Variants in TXNRD2 observed in about 807,000 individuals in gnomAD.
TXNRD2 encodes thioredoxin reductase 2, mitochondrial.
A neutral mutation model predicts 70.8 loss-of-function variants in TXNRD2; 67 were observed. The observed-to-expected ratio is 0.95, with a 90% CI of 0.78 to 1.16. TXNRD2 has a LOEUF of 1.16. TXNRD2 is among the 50% of genes most tolerant of loss of function. The probability of loss-of-function intolerance (pLI) is 0.00; values close to 1 mark genes in which losing one functional copy is unlikely to be tolerated. For missense variants in TXNRD2, 644 were observed against 719.9 expected, an observed-to-expected ratio of 0.89 and a Z score of 1.21; for synonymous variants, 301 against 295.8, an observed-to-expected ratio of 1.02 and a Z score of -0.18.
chr22:19,882,273 C>A (rs566583870), intron 12 of TXNRD2, among the ~76,000 whole-genome samples: 90 of 152,274 alleles, frequency 5.9e-4, no homozygotes, highest in African/African-American at 2.0e-3. Flanking sequence ...CTCACGGTAA[C>A]CTCCGCCTTC....
intron 8 of TXNRD2, among the ~76,000 whole-genome samples, chr22:19,908,675 C>T (rs1940181112): frequency 6.6e-6 from 1 of 152,094 alleles, no homozygotes; most frequent in African/African-American, 2.4e-5. Flanking sequence ...TATTTGCACA[C>T]CTATGTTCAC....
chr22:19,918,904 G>T lies in TXNRD2; in HGVS notation c.330C>A (p.Ala110=). 1 of 1,612,678 alleles carries T rather than the reference G, an allele frequency of 6.2e-7. No individual in the cohort carries two copies. The stretch of plus-strand genomic sequence containing the variant: ...GGGCCACCTCCCAGCCATAGTTGGG[G>T]GCATCTTGGATCAGGCCTCCCAGCA... ...AALLGGLIQD[A]PNYGWEVAQP... Residue 110 remains alanine, a synonymous_variant, in exon 4 of 18, where the codon GCC becomes GCA. Transcript: ENST00000400521.
At chr22:19,915,700 G>A (rs987085967) in intron 6 of TXNRD2, 65 bp downstream of exon 6, 2 of 1,452,628 alleles carry the variant, frequency 1.4e-6, no homozygotes, top group Middle Eastern at 1.7e-4. Context: ...AAACACAGCT[G>A]CAGTTGGTGC....
chr22:19,877,333 TCTC>T, intron 16 of TXNRD2, 99 bp from the exon 17 acceptor site: 1 of 1,127,648 alleles, frequency 8.9e-7, no homozygotes, highest in Non-Finnish European at 1.3e-6. Flanking sequence ...AGGCTGCTGG[TCTC>T]CTCACTGTCC....
intron 8 of TXNRD2, among the ~76,000 whole-genome samples, chr22:19,907,116 G>A (rs373929358): frequency 3.2e-5 from 2 of 63,008 alleles, no homozygotes; most frequent in East Asian, 4.9e-4. Context: ...TAGCAGTGAC[G>A]GCTCTCAGGA....
chr22:19,921,434 G>T, intron 2 of TXNRD2, among the ~76,000 whole-genome samples: 1 of 128,000 alleles, frequency 7.8e-6, no homozygotes, highest in African/African-American at 2.9e-5. Flanking sequence ...AAAAAAAAAA[G>T]CCAGTGTGCC....
At chr22:19,880,935 T>C in intron 12 of TXNRD2, 1 of 597,540 alleles carries the variant, frequency 1.7e-6, no homozygotes, top group South Asian at 2.0e-5. Context: ...TTTGCTGCCC[T>C]CCACTCTGCC....
chr22:19,885,713 T>G (rs544793564), intron 11 of TXNRD2, among the ~76,000 whole-genome samples: 7 of 152,294 alleles, frequency 4.6e-5, no homozygotes, highest in African/African-American at 1.7e-4. Context: ...GCCTGCTCCG[T>G]GCCGGAACAG....
intron 11 of TXNRD2, among the ~76,000 whole-genome samples, chr22:19,892,887 CG>C (rs1939329731): frequency 6.6e-6 from 1 of 152,204 alleles, no homozygotes; most frequent in Non-Finnish European, 1.5e-5. Flanking sequence ...CCTAATCCTT[CG>C]TAGTGTTTAT....
intron 1 of TXNRD2, among the ~76,000 whole-genome samples, chr22:19,933,707 G>A (rs1370003636): frequency 6.6e-6 from 1 of 152,210 alleles, no homozygotes; most frequent in Non-Finnish European, 1.5e-5. Context: ...TGCTGGGAAG[G>A]AAGGACCCCA....
At chr22:19,927,668 A>T in intron 2 of TXNRD2, among the ~76,000 whole-genome samples, 1 of 148,146 alleles carries the variant, frequency 6.8e-6, no homozygotes, top group East Asian at 1.9e-4. Flanking sequence ...AAAAAAAAAA[A>T]AAAGAAAAGA....
intron 8 of TXNRD2, among the ~76,000 whole-genome samples, chr22:19,910,113 G>A (rs992096452): frequency 4.1e-4 from 63 of 152,326 alleles, no homozygotes; most frequent in African/African-American, 1.4e-3. Context: ...AGCCTCTGCC[G>A]CCCTCTGGTG....
intron 8 of TXNRD2, among the ~76,000 whole-genome samples, chr22:19,910,768 C>T (rs545504820): frequency 3.9e-5 from 6 of 152,172 alleles, no homozygotes; most frequent in African/African-American, 9.6e-5. Context: ...GTACTATGCT[C>T]GGTTAATATT....
chr22:19,878,873 G>A (rs147634466), intron 14 of TXNRD2, among the ~76,000 whole-genome samples: 12 of 152,346 alleles, frequency 7.9e-5, no homozygotes, highest in Middle Eastern at 3.4e-3. Flanking sequence ...GAGCAAGGCC[G>A]CTGTGGCCAC....
At position 19,918,162 on chromosome 22, in the gene TXNRD2, G is replaced by A. The variant is rs749157073; in HGVS notation, c.430C>T (p.Arg144Cys). ...NHVKSLNWGH[R>C]VQLQDRKVKY... ...CAGTACCTGTCCTGAAGCTGGACAC[G>A]GTGGCCCCAGTTCAAGGATTTCACG... Residue 144 changes from arginine (R) to cysteine (C), a missense_variant, in exon 5 of 18, where the codon CGT becomes TGT. By Grantham distance (180) the Arg-to-Cys change is radical. Around this residue, in one of 3 missense-constraint regions of TXNRD2, gnomAD observed 566 missense variants for 645.0 expected, o/e 0.88. Coordinates refer to ENST00000400521, the MANE Select transcript of TXNRD2 (RefSeq NM_006440.5). 13 of 1,614,012 alleles carry A rather than the reference G, an allele frequency of 8.1e-6. No homozygotes were observed. The highest frequency in any genetic ancestry group is 2.2e-5 in the East Asian group (1 of 44,898).
chr22:19,897,955 G>T, intron 10 of TXNRD2, 84 bp downstream of exon 10: 1 of 1,124,508 alleles, frequency 8.9e-7, no homozygotes, highest in Non-Finnish European at 1.3e-6. Context: ...CGTGGCCCAT[G>T]ACTGCACTGC....
chr22:19,917,218 G>A (rs547188174), intron 5 of TXNRD2, among the ~76,000 whole-genome samples: 8 of 152,292 alleles, frequency 5.3e-5, no homozygotes, highest in Admixed American at 3.3e-4. Context: ...TTTGGTGCCC[G>A]TCCAGGAGCT....
rs183628090 is a variant in TXNRD2, at chr22:19,935,169, T to C, written c.104-4071A>G. Among the ~76,000 whole-genome samples the C allele has an allele frequency of 1.4e-4, 21 of 152,322 alleles. No individual in the cohort carries two copies. The East Asian group carries it at 4.0e-3, about 29-fold the overall frequency. On this transcript the variant is annotated intron_variant, in intron 1 of 17. Coordinates refer to ENST00000400521, the MANE Select transcript of TXNRD2 (RefSeq NM_006440.5). ...GACGTGCAAGTAGGAGAGATATCGCTAAATTCTTTTCCTAGCAAGGAATAT... is the reference window on the plus strand; with the variant it reads ...GACGTGCAAGTAGGAGAGATATCGCCAAATTCTTTTCCTAGCAAGGAATAT...
At chr22:19,914,340 A>G (rs1406296601) in intron 7 of TXNRD2, among the ~76,000 whole-genome samples, 1 of 152,262 alleles carries the variant, frequency 6.6e-6, no homozygotes, top group Non-Finnish European at 1.5e-5. Context: ...AAAAGTGGAA[A>G]TAACACATGT....
Sources: gnomAD v4.1 joint callset for allele counts (sites outside exome capture counted in the v4.1 genomes callset) on GRCh38, gnomAD v4.1.1 for gene constraint, gnomAD v4.1.1 regional missense constraint, MANE v1.5 for transcripts, NCBI Gene and HGNC (gene_info 2026-07-23, HGNC 2026-07-21) for gene names.